Variants in TTC17 observed in about 807,000 individuals in gnomAD.
TTC17 encodes the protein tetratricopeptide repeat domain 17.
TTC17 carries 58 observed loss-of-function variants against 143.8 expected under a neutral mutation model. That is an observed-to-expected ratio of 0.40 (90% CI 0.33 to 0.50). The LOEUF (loss-of-function observed/expected upper bound fraction) is 0.50, where lower values mean the gene tolerates loss of function less well. Ranked by LOEUF, TTC17 falls within the 20% of genes least tolerant of loss-of-function variation. The pLI is 0.49. For synonymous variants in TTC17, 501 were observed against 497.8 expected (o/e 1.01, Z -0.09); for missense variants, 1,273 against 1,392.5 (o/e 0.91, Z 1.37).
chr11:43,427,661 A>G (rs1947060684), intron 16 of TTC17, among the ~76,000 whole-genome samples: 1 of 152,286 alleles, frequency 6.6e-6, no homozygotes, highest in African/African-American at 2.4e-5. Flanking sequence ...TTGATCTTCT[A>G]ATTATAAGTA....
chr11:43,436,463 G>T, intron 16 of TTC17: 1 of 836,422 alleles, frequency 1.2e-6, no homozygotes, highest in Non-Finnish European at 1.6e-6. Flanking sequence ...CATCATGAGG[G>T]TGACCCCTAG....
chr11:43,475,070 A>G (rs1323887862), intron 21 of TTC17, among the ~76,000 whole-genome samples: 1 of 152,170 alleles, frequency 6.6e-6, no homozygotes, highest in Non-Finnish European at 1.5e-5. Context: ...TTTTATTGAA[A>G]AAAATCCGTG....
At chr11:43,401,822 A>G (rs1347672938) in intron 10 of TTC17, among the ~76,000 whole-genome samples, 2 of 151,776 alleles carry the variant, frequency 1.3e-5, no homozygotes, top group Non-Finnish European at 2.9e-5. Context: ...ACAAAAACAT[A>G]TATAAATTGG....
At chr11:43,380,869 A>C (rs2134485761) in intron 2 of TTC17, among the ~76,000 whole-genome samples, 1 of 152,354 alleles carries the variant, frequency 6.6e-6, no homozygotes, top group South Asian at 2.1e-4. Context: ...TTTTATCAAT[A>C]CTAGGAATTA....
At chr11:43,412,020 TAATAA>T (rs1364315083) in intron 15 of TTC17, among the ~76,000 whole-genome samples, 16 of 152,278 alleles carry the variant, frequency 1.1e-4, no homozygotes, top group African/African-American at 3.1e-4. Flanking sequence ...CTATTTTTAA[TAATAA>T]AATAAATTTA....
chr11:43,429,298 G>A (rs572358811), intron 16 of TTC17, among the ~76,000 whole-genome samples: 1 of 152,196 alleles, frequency 6.6e-6, no homozygotes, highest in Non-Finnish European at 1.5e-5. Context: ...GTACAGTAAG[G>A]CTGCAGCCAA....
chr11:43,395,255 C>T (rs1857539699), intron 5 of TTC17: 1 of 152,178 alleles, frequency 6.6e-6, no homozygotes, highest in Non-Finnish European at 1.5e-5. Flanking sequence ...CGCCCGCCAC[C>T]ACGCCCGGCA....
intron 19 of TTC17, chr11:43,449,045 A>G (rs980372025): frequency 6.6e-6 from 1 of 152,534 alleles, no homozygotes; most frequent in Non-Finnish European, 1.5e-5. Flanking sequence ...AAACCAGAGC[A>G]TAACCATCCC....
intron 2 of TTC17, among the ~76,000 whole-genome samples, chr11:43,381,304 A>G (rs1392153121): frequency 6.6e-6 from 1 of 152,092 alleles, no homozygotes; most frequent in Non-Finnish European, 1.5e-5. Flanking sequence ...TAGTATAAGC[A>G]TCTCCATAAA....
chr11:43,408,440 T>A (rs1858245827), intron 15 of TTC17, among the ~76,000 whole-genome samples: 1 of 152,150 alleles, frequency 6.6e-6, no homozygotes, highest in South Asian at 2.1e-4. Flanking sequence ...GAGAAGTACA[T>A]CAAATATTTA....
chr11:43,417,556 C>G (rs867925134), intron 16 of TTC17, among the ~76,000 whole-genome samples: 1 of 152,254 alleles, frequency 6.6e-6, no homozygotes, highest in East Asian at 1.9e-4. Flanking sequence ...TAATTGTTGG[C>G]CAGGCATGGT....
At chr11:43,449,783 A>G (rs1300993947) in intron 19 of TTC17, 1 of 282,910 alleles carries the variant, frequency 3.5e-6, no homozygotes, top group Non-Finnish European at 6.6e-6. Context: ...GTACGGCTGT[A>G]TCTCTATAAG....
chr11:43,426,263 T>C (rs1488692334), intron 16 of TTC17, among the ~76,000 whole-genome samples: 1 of 152,242 alleles, frequency 6.6e-6, no homozygotes, highest in Non-Finnish European at 1.5e-5. Flanking sequence ...TGGGAGAGAC[T>C]GAGTAAGATC....
chr11:43,359,228 G>A (rs1450747874), intron 1 of TTC17, 115 bp downstream of exon 1: 9 of 1,326,118 alleles, frequency 6.8e-6, no homozygotes, highest in Non-Finnish European at 8.9e-6. Flanking sequence ...TACCCTCACA[G>A]GGAGGTGGCA....
chr11:43,451,775 GT>G (rs1372381844), intron 21 of TTC17, among the ~76,000 whole-genome samples: 1 of 152,128 alleles, frequency 6.6e-6, no homozygotes, highest in African/African-American at 2.4e-5. Flanking sequence ...AAGAGGAGGG[GT>G]TTTTTAATTT....
intron 1 of TTC17, chr11:43,370,288 GT>G (rs1294471976): frequency 3.5e-6 from 1 of 289,826 alleles, no homozygotes; most frequent in Non-Finnish European, 6.9e-6. Flanking sequence ...TGCTACCATA[GT>G]AGCCTGGAAG....
intron 1 of TTC17, among the ~76,000 whole-genome samples, chr11:43,360,838 T>C (rs549636422): frequency 8.1e-4 from 124 of 152,304 alleles, no homozygotes; most frequent in African/African-American, 2.9e-3. Context: ...CTTTTGGATC[T>C]CTGCCAAGTC....
chr11:43,374,217 C>G (rs538708784), intron 1 of TTC17, among the ~76,000 whole-genome samples: 3 of 152,182 alleles, frequency 2.0e-5, no homozygotes, highest in Admixed American at 6.5e-5. Context: ...GACTGGCTAG[C>G]CATATGCAGA....
At chr11:43,365,879 T>G (rs1412760346) in intron 1 of TTC17, among the ~76,000 whole-genome samples, 2 of 152,238 alleles carry the variant, frequency 1.3e-5, no homozygotes, top group Non-Finnish European at 2.9e-5. Context: ...TTCCAGTTTT[T>G]TTAAACTCTG....
Sources: allele counts gnomAD v4.1 joint callset (sites outside exome capture counted in the v4.1 genomes callset), GRCh38; gene constraint gnomAD v4.1.1; transcripts MANE v1.5; gene names NCBI Gene and HGNC (gene_info 2026-07-23, HGNC 2026-07-21).